The following ABCC6 variants were observed in gnomAD, a reference collection of about 807,000 sequenced individuals.
ABCC6 encodes the protein ATP-binding cassette sub-family C member 6.
In ABCC6, 126 loss-of-function variants were observed where a neutral mutation model predicts 169.5. The observed-to-expected ratio is 0.74, with a 90% CI of 0.64 to 0.86. The LOEUF is 0.86. Among genes scored for constraint, ABCC6 ranks in the 40% least tolerant of loss-of-function variants. The pLI is 0.00. For missense variants in ABCC6, 1,733 were observed against 1,927.2 expected (o/e 0.90, Z 1.89); for synonymous variants, 752 against 814.7 (o/e 0.92, Z 1.31).
Position 16,202,115 on chromosome 16 carries a change from C to T in ABCC6, c.1062G>A (p.Val354=). The change falls in exon 9 of 31, where the codon GTG becomes GTA. Residue 354 remains valine, a synonymous_variant. Coordinates refer to ENST00000205557, the MANE Select transcript of ABCC6 (RefSeq NM_001171.6). ...GCAGGCAGGCTGAGAGGAACATCAG[C>T]ACGGCGAGGAGGTAGCCCTTCCAGG... ...PPAWKGYLLA[V]LMFLSACLQT... is the part of the protein sequence containing the mutation. 1.2e-6 allele frequency: 2 copies of T among 1,613,916 alleles called. No individual in the cohort carries two copies. The highest frequency in any genetic ancestry group is 1.7e-6 in the Non-Finnish European group (2 of 1,179,868).
At chr16:16,215,154 C>G (rs1256698102) in intron 4 of ABCC6, among the ~76,000 whole-genome samples, 1 of 152,196 alleles carries the variant, frequency 6.6e-6, no homozygotes, top group Non-Finnish European at 1.5e-5. Flanking sequence ...GAGATGAGAG[C>G]TGGTTTTATT....
chr16:16,187,461 A>G (rs138808438), intron 13 of ABCC6, among the ~76,000 whole-genome samples: 141 of 152,360 alleles, frequency 9.3e-4, no homozygotes, highest in Non-Finnish European at 1.8e-3. Flanking sequence ...CATTCTGCAG[A>G]CAAGATCTGG....
chr16:16,152,787 T>A (rs547457960), intron 29 of ABCC6, among the ~76,000 whole-genome samples: 20 of 152,148 alleles, frequency 1.3e-4, no homozygotes, highest in Non-Finnish European at 2.6e-4. Flanking sequence ...CTGTGTATAC[T>A]CTTACCCACC....
intron 22 of ABCC6, among the ~76,000 whole-genome samples, chr16:16,167,512 C>T (rs774645932): frequency 9.2e-5 from 14 of 152,208 alleles, no homozygotes; most frequent in Non-Finnish European, 1.8e-4. Context: ...CTCTGTCACC[C>T]AGGCTGGAGT....
intron 21 of ABCC6, among the ~76,000 whole-genome samples, chr16:16,170,910 ACT>A (rs1166649885): frequency 9.4e-6 from 1 of 106,478 alleles, no homozygotes; most frequent in Non-Finnish European, 1.9e-5. Context: ...CAAGAGTGAA[ACT>A]CTGTCTCAAA....
chr16:16,214,587 C>T (rs1208799942), intron 4 of ABCC6, 138 bp from the exon 5 acceptor site: 2 of 1,450,314 alleles, frequency 1.4e-6, no homozygotes, highest in African/African-American at 2.9e-5. Flanking sequence ...CCTGGCTTTC[C>T]TAGTGGTTCT....
intron 27 of ABCC6, among the ~76,000 whole-genome samples, chr16:16,156,593 G>A (rs1381645208): frequency 6.6e-6 from 1 of 152,156 alleles, no homozygotes; most frequent in Admixed American, 6.5e-5. Context: ...CCCAAGGGAA[G>A]CTGGAACTAG....
chr16:16,196,874 G>T (rs989792499), intron 10 of ABCC6, among the ~76,000 whole-genome samples: 1 of 151,966 alleles, frequency 6.6e-6, no homozygotes, highest in Non-Finnish European at 1.5e-5. Flanking sequence ...GCTAATTTTT[G>T]TATCTTTCAG....
chr16:16,213,489 T>C (rs908163118), intron 5 of ABCC6, among the ~76,000 whole-genome samples: 14 of 152,010 alleles, frequency 9.2e-5, no homozygotes, highest in Non-Finnish European at 1.2e-4. Flanking sequence ...TTACCTATTG[T>C]AAATCTCTCA....
intron 7 of ABCC6, among the ~76,000 whole-genome samples, chr16:16,208,280 G>C (rs971610420): frequency 6.6e-6 from 1 of 152,224 alleles, no homozygotes; most frequent in African/African-American, 2.4e-5. Flanking sequence ...AAGGCAAGGT[G>C]GGGAGGCGGC....
At chr16:16,177,777 T>A in intron 18 of ABCC6, 151 bp from the exon 19 acceptor site, 1 of 842,524 alleles carries the variant, frequency 1.2e-6, no homozygotes. Context: ...GCCCCATCTC[T>A]ACTAAAAATA....
At chr16:16,205,518 TG>T (rs1356045946) in intron 7 of ABCC6, among the ~76,000 whole-genome samples, 1 of 152,086 alleles carries the variant, frequency 6.6e-6, no homozygotes, top group Non-Finnish European at 1.5e-5. Context: ...TGGTCTGATC[TG>T]GTGTTTGGTT....
intron 9 of ABCC6, among the ~76,000 whole-genome samples, 196 bp from the exon 10 acceptor site, chr16:16,198,378 G>A (rs1373359394): frequency 6.6e-6 from 1 of 152,210 alleles, no homozygotes; most frequent in African/African-American, 2.4e-5. Context: ...GATCCCTAAA[G>A]CACGGGAGGC....
At chr16:16,178,020 GAA>G (rs2047339602) in intron 18 of ABCC6, among the ~76,000 whole-genome samples, 1 of 141,304 alleles carries the variant, frequency 7.1e-6, no homozygotes, top group Non-Finnish European at 1.5e-5. Context: ...GAGAGAGAGA[GAA>G]AGAAAGAAAA....
chr16:16,207,469 G>C (rs1206622471), intron 7 of ABCC6, among the ~76,000 whole-genome samples: 1 of 152,194 alleles, frequency 6.6e-6, no homozygotes, highest in South Asian at 2.1e-4. Flanking sequence ...GATGAAAGGA[G>C]AGAATCCTGA....
At chr16:16,155,942 G>A (rs1179220502) in intron 27 of ABCC6, among the ~76,000 whole-genome samples, 1 of 150,098 alleles carries the variant, frequency 6.7e-6, no homozygotes, top group Non-Finnish European at 1.5e-5. Context: ...TTGAGATAAA[G>A]TCTTGCTCTA....
intron 27 of ABCC6, 154 bp from the exon 28 acceptor site, chr16:16,155,185 T>G: frequency 1.2e-6 from 1 of 848,920 alleles, no homozygotes; most frequent in Non-Finnish European, 1.8e-6. Flanking sequence ...TACCTTTCTA[T>G]ATATCCACCC....
Position 16,202,147 on chromosome 16 carries a change from G to A in ABCC6, c.1030C>T (p.Pro344Ser), listed in dbSNP as rs2048258723. 3.7e-6 allele frequency: 6 copies of A among 1,613,692 alleles called. No homozygotes were observed. The highest frequency in any genetic ancestry group is 1.3e-5 in the African/African-American group (1 of 74,862). Reference protein sequence around the residue: ...LFLEFIGDPKPPAWKGYLLAV... With the variant: ...LFLEFIGDPKSPAWKGYLLAV... ...AGGAGGTAGCCCTTCCAGGCTGGAGGCTTGGGATCACCAATAAACTCCAGG... is the reference window on the plus strand; with the variant it reads ...AGGAGGTAGCCCTTCCAGGCTGGAGACTTGGGATCACCAATAAACTCCAGG... Residue 344 changes from proline to serine, a missense_variant, in exon 9 of 31, where the codon CCT (proline) becomes TCT (serine). Physicochemically the swap from Pro to Ser is moderately conservative, Grantham distance 74. This residue lies in a region of ABCC6 where 1,601 missense variants were observed against 1,635.5 expected (regional missense o/e 0.98). Transcript: ENST00000205557.
At chr16:16,222,599 C>T (rs533786322) in intron 1 of ABCC6, among the ~76,000 whole-genome samples, 6 of 151,820 alleles carry the variant, frequency 4.0e-5, no homozygotes, top group East Asian at 3.9e-4. Flanking sequence ...ATGCTGGTCT[C>T]GAACTCCTGG....
Sources: gnomAD v4.1 joint callset for allele counts (sites outside exome capture counted in the v4.1 genomes callset) on GRCh38, gnomAD v4.1.1 for gene constraint, gnomAD v4.1.1 regional missense constraint, MANE v1.5 for transcripts, NCBI Gene and HGNC (gene_info 2026-07-23, HGNC 2026-07-21) for gene names.